ANO3: variants seen among roughly 807,000 people sequenced by gnomAD.
The protein encoded by ANO3 is anoctamin 3.
In ANO3, 99 loss-of-function variants were observed where a neutral mutation model predicts 144.8. The ratio of observed to expected loss-of-function variants is 0.68; its 90% confidence interval spans 0.58 to 0.81. The LOEUF (loss-of-function observed/expected upper bound fraction) is 0.81. ANO3 is among the 30% of genes least tolerant of loss of function. The pLI, the probability that ANO3 is intolerant of heterozygous loss-of-function variation, is 0.00. For missense variants in ANO3, 905 were observed against 1,202.2 expected (o/e 0.75, Z 3.66); for synonymous variants, 414 against 392.6 (o/e 1.05, Z -0.64).
chr11:26,586,139 G>A (rs531656255), intron 14 of ANO3, among the ~76,000 whole-genome samples: 5 of 152,156 alleles, frequency 3.3e-5, no homozygotes, highest in Non-Finnish European at 7.3e-5. Flanking sequence ...CACATTGGAA[G>A]TCTTTGGGAG....
At chr11:26,533,868 G>C (rs977999583) in intron 8 of ANO3, among the ~76,000 whole-genome samples, 1 of 152,268 alleles carries the variant, frequency 6.6e-6, no homozygotes, top group East Asian at 1.9e-4. Context: ...AACAGAAAAT[G>C]TCAGAAGTTG....
At chr11:26,212,305 G>A (rs535525964) in intron 1 of ANO3, among the ~76,000 whole-genome samples, 3 of 151,646 alleles carry the variant, frequency 2.0e-5, no homozygotes, top group Admixed American at 6.6e-5. Flanking sequence ...AACTGAAGGA[G>A]GTGGAGACAT....
At position 26,207,153 on chromosome 11, in the gene ANO3, T is replaced by A. The variant is rs545968803; in HGVS notation, c.154+17823T>A. 6.6e-4 allele frequency among the ~76,000 whole-genome samples: 100 copies of A among 152,288 alleles called. 1 individual carries two copies. The highest frequency in any genetic ancestry group is 6.8e-3 in the Middle Eastern group (2 of 294). On this transcript the variant is annotated intron_variant, in intron 1 of 27. Transcript: ENST00000672621. ...GCACAGCGTCTCTAGCTAATAAGAC[T>A]ATATTGCATACGTAAAAATTTGCTA... is the stretch of plus-strand genomic sequence containing the variant.
intron 4 of ANO3, among the ~76,000 whole-genome samples, chr11:26,494,962 G>A (rs954827178): frequency 1.4e-4 from 21 of 152,090 alleles, no homozygotes; most frequent in Non-Finnish European, 2.6e-4. Context: ...AACACTACCA[G>A]AAATTAAGCC....
rs542032698 is a variant in ANO3 at position 26,292,316 on chromosome 11, T to C, written c.155-17329T>C. On this transcript the variant is annotated intron_variant, in intron 1 of 27. Coordinates refer to the ANO3 transcript ENST00000672621. ...ATTCTAGTTAGCCATTCATCTAATC[T>C]TTTTTCAAGGTTTTTAGCTTCTTTG... Among the ~76,000 whole-genome samples, 7 of 152,290 alleles carry C rather than the reference T, an allele frequency of 4.6e-5. No individual in the cohort carries two copies. The South Asian group carries it at 1.4e-3, about 32-fold the overall frequency.
At chr11:26,499,068 C>G (rs1861084010) in intron 4 of ANO3, among the ~76,000 whole-genome samples, 1 of 151,862 alleles carries the variant, frequency 6.6e-6, no homozygotes, top group African/African-American at 2.4e-5. Flanking sequence ...TTTCAGCCTT[C>G]TGCTTTTTCA....
chr11:26,586,753 C>G (rs541192477), intron 14 of ANO3, among the ~76,000 whole-genome samples: 1 of 151,616 alleles, frequency 6.6e-6, no homozygotes, highest in Non-Finnish European at 1.5e-5. Flanking sequence ...CCACTTGACT[C>G]GGCCTCCCAA....
chr11:26,575,151 A>G (rs1850953768), intron 14 of ANO3, among the ~76,000 whole-genome samples: 2 of 152,058 alleles, frequency 1.3e-5, no homozygotes, highest in African/African-American at 2.4e-5. Flanking sequence ...ACCATATTGT[A>G]ACAATATAAA....
chr11:26,296,931 T>C (rs1201502816), intron 1 of ANO3, among the ~76,000 whole-genome samples: 1 of 152,166 alleles, frequency 6.6e-6, no homozygotes, highest in Non-Finnish European at 1.5e-5. Context: ...CCTAATGTTA[T>C]ATATGAATCT....
chr11:26,197,714 G>A (rs1220660564), intron 1 of ANO3, among the ~76,000 whole-genome samples: 1 of 151,942 alleles, frequency 6.6e-6, no homozygotes, highest in African/African-American at 2.4e-5. Context: ...TCTCTTCCAG[G>A]GTTTACTTCA....
At chr11:26,361,942 G>C (rs947584706) in intron 1 of ANO3, among the ~76,000 whole-genome samples, 1 of 152,118 alleles carries the variant, frequency 6.6e-6, no homozygotes, top group East Asian at 1.9e-4. Flanking sequence ...ACAGTTTCCA[G>C]TTCTTTAGAC....
At chr11:26,641,169 A>ATTCC (rs1853137940) in intron 21 of ANO3, among the ~76,000 whole-genome samples, 1 of 151,826 alleles carries the variant, frequency 6.6e-6, no homozygotes, top group African/African-American at 2.4e-5. Flanking sequence ...TGGGCTAAGA[A>ATTCC]AACAGTATTG....
intron 4 of ANO3, among the ~76,000 whole-genome samples, chr11:26,505,992 C>CA (rs56193607): frequency 1.3e-4 from 10 of 78,406 alleles, no homozygotes; most frequent in African/African-American, 5.2e-4. Flanking sequence ...GACTCTGTCT[C>CA]AAAAAAAAAA....
chr11:26,639,274 CT>C, intron 21 of ANO3, 33 bp downstream of exon 21: 12 of 1,542,710 alleles, frequency 7.8e-6, no homozygotes, highest in Non-Finnish European at 1.1e-5. Flanking sequence ...TGCCTTATGT[CT>C]AGTTACAAAG....
rs537403908 is a variant in ANO3, at chr11:26,613,129, A to C, written c.1837-11333A>C. ...CTCTTCTCTCTCTAATAATCCTATAATGGGAACATTTGTTCACTTAATGGT... is the reference window on the plus strand; with the variant it reads ...CTCTTCTCTCTCTAATAATCCTATACTGGGAACATTTGTTCACTTAATGGT... On this transcript the variant is annotated intron_variant, in intron 17 of 26. Transcript: ENST00000256737. Among the ~76,000 whole-genome samples, 379 of 152,240 alleles carry C rather than the reference A, an allele frequency of 2.5e-3. 4 individuals carry two copies. Among genetic ancestry groups the C allele is most frequent in the Non-Finnish European group, 3.5e-3 (238 of 68,006 alleles).
intron 4 of ANO3, among the ~76,000 whole-genome samples, chr11:26,507,642 C>G (rs1456157657): frequency 6.6e-6 from 1 of 151,912 alleles, no homozygotes; most frequent in African/African-American, 2.4e-5. Flanking sequence ...TTCTCTAAGC[C>G]TTAGTGTCTT....
chr11:26,445,626 T>A (rs1858674742), intron 3 of ANO3, among the ~76,000 whole-genome samples: 1 of 152,092 alleles, frequency 6.6e-6, no homozygotes, highest in Admixed American at 6.6e-5. Context: ...TTATTCAAGT[T>A]AGAAAGACAT....
At chr11:26,505,238 A>AT (rs1482354081) in intron 4 of ANO3, among the ~76,000 whole-genome samples, 2 of 152,168 alleles carry the variant, frequency 1.3e-5, no homozygotes, top group African/African-American at 4.8e-5. Flanking sequence ...AGAAAAAAAA[A>AT]GACGATTCAA....
chr11:26,386,878 G>GTAACGTGT (rs1362202893), intron 1 of ANO3, among the ~76,000 whole-genome samples: 1 of 152,142 alleles, frequency 6.6e-6, no homozygotes. Flanking sequence ...TAAATTGTAT[G>GTAACGTGT]TAACGTGTTG....
Sources: gnomAD v4.1 joint callset for allele counts (sites outside exome capture counted in the v4.1 genomes callset) on GRCh38, gnomAD v4.1.1 for gene constraint, MANE v1.5 for transcripts, NCBI Gene and HGNC (gene_info 2026-07-23, HGNC 2026-07-21) for gene names.